NT5C3A: variants seen among roughly 807,000 people sequenced by gnomAD.
The protein encoded by NT5C3A is cytosolic 5'-nucleotidase 3A.
NT5C3A carries 23 observed loss-of-function variants against 40.0 expected under a neutral mutation model. The observed-to-expected ratio is 0.58, with a 90% CI of 0.41 to 0.81. The LOEUF (loss-of-function observed/expected upper bound fraction) is 0.81. Ranked by LOEUF, NT5C3A falls within the 40% of genes least tolerant of loss-of-function variation. The pLI, the probability that NT5C3A is intolerant of heterozygous loss-of-function variation, is 0.00. For missense variants in NT5C3A, 328 were observed against 403.0 expected (o/e 0.81, Z 1.59); for synonymous variants, 130 against 141.4 (o/e 0.92, Z 0.57).
At chr7:33,034,647 A>G (rs1786481656) in intron 1 of NT5C3A, among the ~76,000 whole-genome samples, 1 of 152,234 alleles carries the variant, frequency 6.6e-6, no homozygotes, top group Admixed American at 6.5e-5. Context: ...CCTAAGAGCA[A>G]TAACTAAACT....
chr7:33,026,559 T>C (rs1408915769), intron 2 of NT5C3A, among the ~76,000 whole-genome samples: 2 of 152,000 alleles, frequency 1.3e-5, no homozygotes, highest in African/African-American at 2.4e-5. Flanking sequence ...TTTCACCATG[T>C]TGGCCAGGCT....
chr7:33,048,669 C>T (rs568686057), intron 1 of NT5C3A, among the ~76,000 whole-genome samples: 32 of 152,222 alleles, frequency 2.1e-4, no homozygotes, highest in African/African-American at 7.5e-4. Flanking sequence ...TGCAATGCCT[C>T]CAAGACCCCC....
chr7:33,061,760 G>T (rs887269296), intron 1 of NT5C3A, among the ~76,000 whole-genome samples: 1 of 152,154 alleles, frequency 6.6e-6, no homozygotes, highest in South Asian at 2.1e-4. Context: ...CCAGGATTAT[G>T]CATTTCAGGA....
At chr7:33,057,527 G>T (rs1378288138) in intron 1 of NT5C3A, among the ~76,000 whole-genome samples, 1 of 151,784 alleles carries the variant, frequency 6.6e-6, no homozygotes, top group Non-Finnish European at 1.5e-5. Context: ...GCCTCAAAAA[G>T]AAAATAAAAT....
intron 1 of NT5C3A, among the ~76,000 whole-genome samples, chr7:33,058,225 T>C (rs1787641700): frequency 6.6e-6 from 1 of 152,174 alleles, no homozygotes; most frequent in Non-Finnish European, 1.5e-5. Flanking sequence ...ATAGAAGTAA[T>C]GAATGAAGTA....
intron 7 of NT5C3A, chr7:33,017,182 CAAAA>C (rs11286607): frequency 7.5e-3 from 2,359 of 314,762 alleles, no homozygotes; most frequent in East Asian, 0.01. Context: ...GACTCCATCT[CAAAA>C]AAAAAAAAAA....
At chr7:33,036,565 T>C (rs1029890950) in intron 1 of NT5C3A, among the ~76,000 whole-genome samples, 1 of 152,184 alleles carries the variant, frequency 6.6e-6, no homozygotes, top group East Asian at 1.9e-4. Context: ...AGAACTTATA[T>C]GGTATTAAGA....
chr7:33,027,271 TG>T (rs560974941), intron 1 of NT5C3A, among the ~76,000 whole-genome samples: 40 of 152,274 alleles, frequency 2.6e-4, no homozygotes, highest in African/African-American at 9.6e-4. Flanking sequence ...GGTCTTGCTT[TG>T]TTGCTCAGGC....
intron 1 of NT5C3A, among the ~76,000 whole-genome samples, chr7:33,049,889 G>C (rs1199522453): frequency 4.1e-5 from 6 of 144,758 alleles, no homozygotes; most frequent in Non-Finnish European, 7.4e-5. Context: ...AGAATGGCGT[G>C]AACCCGGGAG....
chr7:33,033,895 A>ATAAT (rs1562595149), intron 1 of NT5C3A, among the ~76,000 whole-genome samples: 43 of 137,162 alleles, frequency 3.1e-4, no homozygotes, highest in African/African-American at 1.0e-3. Flanking sequence ...TATATATATA[A>ATAAT]TTTTTTTTTT....
At chr7:33,055,946 A>T (rs887112856) in intron 1 of NT5C3A, among the ~76,000 whole-genome samples, 1 of 151,848 alleles carries the variant, frequency 6.6e-6, no homozygotes, top group Non-Finnish European at 1.5e-5. Context: ...TCTTGTCTCT[A>T]CAGAAAACAA....
At chr7:33,017,413 T>C (rs1785393917) in intron 7 of NT5C3A, 26 bp downstream of exon 7, 1 of 1,521,900 alleles carries the variant, frequency 6.6e-7, no homozygotes, top group Non-Finnish European at 9.1e-7. Flanking sequence ...ATTTTAAAAT[T>C]ATGAAGAACG....
rs374766770 is a variant in NT5C3A, at chr7:33,017,436, T to C, written c.693+3A>G. ...ATTATGAAGAACGATTTGATATTCTTACAGTTTCATCAAAATCCATAAAAT... is the reference window on the plus strand; with the variant it reads ...ATTATGAAGAACGATTTGATATTCTCACAGTTTCATCAAAATCCATAAAAT... On this transcript the variant is annotated splice_donor_region_variant and intron_variant, in intron 7 of 8. Coordinates refer to ENST00000610140, the MANE Select transcript of NT5C3A (RefSeq NM_001002010.5). The C allele has an allele frequency of 6.9e-6, 11 of 1,593,850 alleles. No individual in the cohort carries two copies. Among genetic ancestry groups the C allele is most frequent in the African/African-American group, 5.4e-5 (4 of 74,498 alleles).
intron 2 of NT5C3A, 31 bp downstream of exon 2, chr7:33,026,786 A>G (rs772579972): frequency 2.4e-5 from 35 of 1,474,366 alleles, no homozygotes; most frequent in Non-Finnish European, 3.0e-5. Flanking sequence ...GAGCCAACAC[A>G]CACAGCCAAG....
rs1209901706 is a variant in NT5C3A at position 33,015,467 on chromosome 7, G to GT, written c.894+202dup. 6.6e-5 allele frequency among the ~76,000 whole-genome samples: 10 copies of GT among 152,216 alleles called. No homozygotes were observed. In the South Asian group the frequency reaches 2.1e-3, roughly 32 times the overall value. ...AGTTCCAGCTACCTGAGGGGCTGAG[G>GT]TGGGAGCATTGCTTGAGCCGGGAAG... is the stretch of plus-strand genomic sequence containing the variant. On this transcript the variant is annotated intron_variant, in intron 8 of 8. Coordinates refer to ENST00000610140, the MANE Select transcript of NT5C3A (RefSeq NM_001002010.5).
At chr7:33,037,056 C>T (rs890846257) in intron 1 of NT5C3A, among the ~76,000 whole-genome samples, 10 of 152,132 alleles carry the variant, frequency 6.6e-5, no homozygotes, top group African/African-American at 2.2e-4. Context: ...GTGATCCACC[C>T]GCCTCTGCCT....
intron 1 of NT5C3A, among the ~76,000 whole-genome samples, chr7:33,053,077 C>T (rs540578232): frequency 9.2e-5 from 14 of 152,136 alleles, no homozygotes; most frequent in Non-Finnish European, 1.9e-4. Flanking sequence ...GGAAAAAATG[C>T]CCACCTCTTG....
At chr7:33,040,120 C>T (rs570275143) in intron 1 of NT5C3A, among the ~76,000 whole-genome samples, 1 of 152,172 alleles carries the variant, frequency 6.6e-6, no homozygotes, top group East Asian at 1.9e-4. Flanking sequence ...GCATAGGTGA[C>T]AAGCACTACC....
chr7:33,029,832 G>A lies in NT5C3A; in HGVS notation c.139-2917C>T, dbSNP rs941756400. 5.8e-6 allele frequency: 3 copies of A among 514,446 alleles called. No individual in the cohort carries two copies. The African/African-American group carries it at 6.0e-5, about 10-fold the overall frequency. The allele number at this position is 514,446 out of a possible 1,614,324, so 31.9% of individuals were successfully genotyped here. ...TCTCCCCGCTTCAGCCTCCCAAAGT[G>A]CTGGGATTACAGGTGTAAGCCACCA... On this transcript the variant is annotated intron_variant, in intron 1 of 8. Coordinates refer to ENST00000610140, the MANE Select transcript of NT5C3A (RefSeq NM_001002010.5).
Sources: allele counts gnomAD v4.1 joint callset (sites outside exome capture counted in the v4.1 genomes callset), GRCh38; gene constraint gnomAD v4.1.1; transcripts MANE v1.5; gene names NCBI Gene and HGNC (gene_info 2026-07-23, HGNC 2026-07-21).